The following RIMS2 variants were observed in gnomAD, a reference collection of about 807,000 sequenced individuals.
The protein encoded by RIMS2 is regulating synaptic membrane exocytosis protein 2.
Under a neutral mutation model 174.4 loss-of-function variants are expected in RIMS2, and 59 were observed. That is an observed-to-expected ratio of 0.34 (90% CI 0.27 to 0.42). The LOEUF (loss-of-function observed/expected upper bound fraction) is 0.42. Among genes scored for constraint, RIMS2 ranks in the 10% least tolerant of loss-of-function variants. The pLI is 1.00. For missense variants in RIMS2, 1,620 were observed against 1,666.3 expected, an observed-to-expected ratio of 0.97 and a Z score of 0.48; for synonymous variants, 606 against 572.5, an observed-to-expected ratio of 1.06 and a Z score of -0.84.
chr8:103,832,813 C>T (rs192047752), intron 3 of RIMS2, among the ~76,000 whole-genome samples: 20 of 152,324 alleles, frequency 1.3e-4, no homozygotes, highest in Admixed American at 1.2e-3. Context: ...CTTTCACAAT[C>T]TATTTACAAT....
chr8:103,565,843 C>A (rs538164149), intron 1 of RIMS2, among the ~76,000 whole-genome samples: 26 of 152,088 alleles, frequency 1.7e-4, no homozygotes, highest in Admixed American at 3.3e-4. Flanking sequence ...AGTTCAAGGA[C>A]GAGTCAAAGC....
At chr8:104,224,481 A>C (rs959928095) in intron 19 of RIMS2, among the ~76,000 whole-genome samples, 1 of 152,242 alleles carries the variant, frequency 6.6e-6, no homozygotes, top group African/African-American at 2.4e-5. Context: ...AACAACTAAC[A>C]CTGAAAATAC....
At chr8:103,700,399 T>A (rs1247008324) in intron 2 of RIMS2, among the ~76,000 whole-genome samples, 1 of 151,670 alleles carries the variant, frequency 6.6e-6, no homozygotes, top group Non-Finnish European at 1.5e-5. Flanking sequence ...ACTCTCTCTT[T>A]CTCTCTGTCT....
chr8:103,965,784 G>A (rs995669821), intron 15 of RIMS2, among the ~76,000 whole-genome samples: 10 of 151,946 alleles, frequency 6.6e-5, no homozygotes, highest in Non-Finnish European at 1.3e-4. Context: ...TAGGTTTTTG[G>A]TAGATATTCT....
chr8:103,632,279 A>G lies in RIMS2; in HGVS notation c.177-64807A>G, dbSNP rs1489162794. 2.6e-5 allele frequency among the ~76,000 whole-genome samples: 4 copies of G among 152,148 alleles called. No individual in the cohort carries two copies. In the South Asian group the frequency reaches 6.2e-4, roughly 24 times the overall value. On this transcript the variant is annotated intron_variant, in intron 1 of 23. Coordinates refer to ENST00000504942, the Ensembl canonical transcript of RIMS2. ...TGTGGGTTTGTCATAGATGACTCTT[A>G]TTATTTTAAGGTGTGCTCCTTCATT...
At chr8:103,924,569 T>C (rs1283426168) in intron 10 of RIMS2, among the ~76,000 whole-genome samples, 1 of 151,598 alleles carries the variant, frequency 6.6e-6, no homozygotes. Flanking sequence ...TTTCTACCTT[T>C]GGACATTTTT....
intron 1 of RIMS2, among the ~76,000 whole-genome samples, chr8:103,517,032 T>C (rs1043992976): frequency 7.9e-5 from 12 of 152,212 alleles, no homozygotes; most frequent in Non-Finnish European, 1.6e-4. Flanking sequence ...ATCTGTTCTA[T>C]ACCAGCCACT....
chr8:104,249,468 T>A lies in RIMS2; in HGVS notation c.3590-19T>A. 7.2e-7 allele frequency: 1 copy of A among 1,382,002 alleles called. No individual in the cohort carries two copies. Among genetic ancestry groups the A allele is most frequent in the African/African-American group, 1.4e-5 (1 of 70,362 alleles). 85.6% of individuals were successfully genotyped at this position (1,382,002 alleles called of 1,614,324 possible). On this transcript the variant is annotated intron_variant, in intron 21 of 23. Coordinates refer to ENST00000504942, the Ensembl canonical transcript of RIMS2. ...CATTTGTATATTAAAGCACATTTGT[T>A]CCTTCCTTCTTCCATTAGGTGACAT...
At chr8:104,058,469 G>A (rs2096914984) in intron 19 of RIMS2, among the ~76,000 whole-genome samples, 1 of 150,796 alleles carries the variant, frequency 6.6e-6, no homozygotes, top group Non-Finnish European at 1.5e-5. Flanking sequence ...CTGGATATTA[G>A]CCTTTGTCAG....
At chr8:103,943,864 A>G (rs1424913987) in intron 14 of RIMS2, among the ~76,000 whole-genome samples, 8 of 152,134 alleles carry the variant, frequency 5.3e-5, no homozygotes, top group African/African-American at 1.9e-4. Flanking sequence ...CAAATTTTAG[A>G]AGTATAAATT....
At chr8:103,671,237 A>G (rs1363476770) in intron 1 of RIMS2, among the ~76,000 whole-genome samples, 2 of 152,204 alleles carry the variant, frequency 1.3e-5, no homozygotes, top group Non-Finnish European at 2.9e-5. Flanking sequence ...AGTGCCTCCC[A>G]AAACGTGGGA....
chr8:103,997,710 T>C (rs953865162), intron 17 of RIMS2, among the ~76,000 whole-genome samples: 6 of 151,894 alleles, frequency 4.0e-5, no homozygotes, highest in African/African-American at 9.6e-5. Flanking sequence ...GTTTACTCTT[T>C]ATTAAATGGA....
intron 3 of RIMS2, among the ~76,000 whole-genome samples, chr8:103,811,569 C>T (rs961890706): frequency 4.0e-5 from 6 of 151,896 alleles, no homozygotes; most frequent in Non-Finnish European, 7.4e-5. Flanking sequence ...CTCAGCCTCC[C>T]GAGTAGCTGG....
intron 1 of RIMS2, among the ~76,000 whole-genome samples, chr8:103,504,892 C>T (rs1197998388): frequency 2.1e-5 from 3 of 139,770 alleles, no homozygotes; most frequent in Non-Finnish European, 1.5e-5. Flanking sequence ...TGGTTTGAGG[C>T]CCAGGCTGGA....
chr8:104,177,106 G>A lies in RIMS2; in HGVS notation c.3335-67810G>A, dbSNP rs76793498. ...TATGGTTAATAATATAATGTATTTC[G>A]TTTGCATATAAAGGAGGTAACCACA... On this transcript the variant is annotated intron_variant, in intron 19 of 23. Coordinates refer to ENST00000504942, the Ensembl canonical transcript of RIMS2. Among the ~76,000 whole-genome samples the A allele has an allele frequency of 1.4e-3, 206 of 152,056 alleles. 4 individuals carry two copies. The East Asian group carries it at 0.034, about 25-fold the overall frequency.
intron 1 of RIMS2, among the ~76,000 whole-genome samples, chr8:103,664,666 A>G (rs545800660): frequency 6.6e-6 from 1 of 152,216 alleles, no homozygotes; most frequent in African/African-American, 2.4e-5. Context: ...GAACACTTTT[A>G]CACTGTTGGT....
intron 19 of RIMS2, among the ~76,000 whole-genome samples, chr8:104,021,761 GCCT>G (rs1207553873): frequency 6.6e-6 from 1 of 152,128 alleles, no homozygotes; most frequent in Non-Finnish European, 1.5e-5. Flanking sequence ...GATTCTTCCT[GCCT>G]CCCGCACAGA....
At chr8:103,923,245 C>T (rs117289978) in intron 10 of RIMS2, among the ~76,000 whole-genome samples, 67 of 151,632 alleles carry the variant, frequency 4.4e-4, no homozygotes, top group Non-Finnish European at 7.2e-4. Flanking sequence ...TGGATGATCC[C>T]AGTCCATAAA....
At chr8:103,635,353 T>C (rs970764812) in intron 1 of RIMS2, among the ~76,000 whole-genome samples, 3 of 152,222 alleles carry the variant, frequency 2.0e-5, no homozygotes, top group African/African-American at 2.4e-5. Context: ...GCTGAGTTGG[T>C]ACTGACTGGA....
Sources: allele counts gnomAD v4.1 joint callset (sites outside exome capture counted in the v4.1 genomes callset), GRCh38; gene constraint gnomAD v4.1.1; transcripts MANE v1.5; gene names NCBI Gene and HGNC (gene_info 2026-07-23, HGNC 2026-07-21).